Variants in ADCY8 observed in about 807,000 individuals in gnomAD.
ADCY8 encodes the protein adenylate cyclase type 8.
Under a neutral mutation model 119.7 loss-of-function variants are expected in ADCY8, and 51 were observed. The ratio of observed to expected loss-of-function variants is 0.43; its 90% CI spans 0.34 to 0.54. The LOEUF (loss-of-function observed/expected upper bound fraction) is 0.54. Ranked by LOEUF, ADCY8 falls within the 20% of genes least tolerant of loss-of-function variation. The pLI, the probability that ADCY8 is intolerant of heterozygous loss-of-function variation, is 0.03. For synonymous variants in ADCY8, 665 were observed against 651.0 expected (o/e 1.02, Z -0.33); for missense variants, 1,383 against 1,598.8 (o/e 0.87, Z 2.30).
At chr8:130,827,979 G>A (rs1218503128) in intron 12 of ADCY8, among the ~76,000 whole-genome samples, 1 of 152,196 alleles carries the variant, frequency 6.6e-6, no homozygotes, top group East Asian at 1.9e-4. Flanking sequence ...CATGTTGGCT[G>A]TGTTTGAACC....
chr8:130,989,769 T>C (rs1822517836), intron 2 of ADCY8, among the ~76,000 whole-genome samples: 1 of 152,254 alleles, frequency 6.6e-6, no homozygotes, highest in South Asian at 2.1e-4. Context: ...AGGCCAAAGC[T>C]ACTTTTAAGT....
intron 1 of ADCY8, among the ~76,000 whole-genome samples, chr8:131,033,545 G>C (rs1169922849): frequency 1.3e-5 from 2 of 152,064 alleles, no homozygotes; most frequent in African/African-American, 4.8e-5. Context: ...TAACAGTCAG[G>C]TGATATTACC....
chr8:131,025,502 G>A (rs1028486088), intron 1 of ADCY8, among the ~76,000 whole-genome samples: 7 of 152,210 alleles, frequency 4.6e-5, no homozygotes, highest in Admixed American at 2.0e-4. Flanking sequence ...CTTCTGATAT[G>A]AGATTCCCGC....
chr8:130,987,991 G>C (rs981251273), intron 2 of ADCY8, among the ~76,000 whole-genome samples: 1 of 152,178 alleles, frequency 6.6e-6, no homozygotes, highest in Non-Finnish European at 1.5e-5. Flanking sequence ...TGACTTGCAA[G>C]GGCATCTCAC....
chr8:130,892,870 G>T (rs141727878), intron 7 of ADCY8: 22 of 152,180 alleles, frequency 1.4e-4, no homozygotes, highest in African/African-American at 4.8e-4. Context: ...CCTTAGAGCT[G>T]GCCTAAGGAA....
intron 12 of ADCY8, among the ~76,000 whole-genome samples, chr8:130,826,817 G>A (rs1203174273): frequency 6.6e-6 from 1 of 151,998 alleles, no homozygotes; most frequent in African/African-American, 2.4e-5. Context: ...AAAAGGCAGA[G>A]GTGGTATTTG....
intron 1 of ADCY8, among the ~76,000 whole-genome samples, chr8:131,032,686 G>T (rs1220666048): frequency 2.0e-5 from 3 of 152,110 alleles, no homozygotes; most frequent in African/African-American, 7.2e-5. Context: ...ATCTTGCAGG[G>T]AGAAAATCTG....
chr8:131,019,827 C>CTCTCTCTCTG (rs1823601074), intron 1 of ADCY8, among the ~76,000 whole-genome samples: 1 of 121,522 alleles, frequency 8.2e-6, no homozygotes. Context: ...CTCTCTCTCT[C>CTCTCTCTCTG]TCTCTCTCTC....
At chr8:130,947,207 C>T (rs979929414) in intron 3 of ADCY8, among the ~76,000 whole-genome samples, 3 of 152,198 alleles carry the variant, frequency 2.0e-5, no homozygotes, top group Non-Finnish European at 2.9e-5. Flanking sequence ...GAAGCTTTTG[C>T]GGAGTTCAAT....
chr8:131,032,459 G>A (rs2130810984), intron 1 of ADCY8, among the ~76,000 whole-genome samples: 1 of 152,230 alleles, frequency 6.6e-6, no homozygotes, highest in African/African-American at 2.4e-5. Flanking sequence ...AGTGCATAGA[G>A]ATCAAAGAAA....
rs1347668266 is a variant in ADCY8 at position 130,783,795 on chromosome 8, T to A, written c.3164A>T (p.Asp1055Val). Residue 1055 changes from aspartate (D) to valine (V), a missense_variant, in exon 17 of 18, where the codon GAC becomes GTC. Asp to Val is a radical substitution (Grantham distance 152). This residue lies in a region of ADCY8 where 928 missense variants were observed against 1,163.5 expected (regional missense o/e 0.80). Coordinates refer to ENST00000286355, the MANE Select transcript of ADCY8 (RefSeq NM_001115.3). ...GLSPEKQQCE[D>V]KWGHLCALAD... ...CAGAGCACACAAATGTCCCCACTTG[T>A]CTTCACATTGCTGAAGCAAACATGA... 2.5e-6 allele frequency: 4 copies of A among 1,612,718 alleles called. No homozygotes were observed. The Admixed American group carries it at 6.7e-5, about 27-fold the overall frequency.
intron 8 of ADCY8, among the ~76,000 whole-genome samples, chr8:130,883,599 A>C (rs888639072): frequency 6.6e-6 from 1 of 152,206 alleles, no homozygotes; most frequent in African/African-American, 2.4e-5. Flanking sequence ...ACTTACAAAA[A>C]AATTGCTCAC....
At position 130,990,517 on chromosome 8, in the gene ADCY8, A is replaced by G. The variant is rs1321828597; in HGVS notation, c.986T>C (p.Met329Thr). 6.2e-7 allele frequency: 1 copy of G among 1,614,192 alleles called. No homozygotes were observed. The highest frequency in any genetic ancestry group is 2.2e-5 in the East Asian group (1 of 44,890). The change falls in exon 2 of 18, where the codon ATG becomes ACG. Residue 329 changes from methionine to threonine, a missense_variant. Coordinates refer to ENST00000286355, the MANE Select transcript of ADCY8 (RefSeq NM_001115.3). ...NQVVAQAVLFMCMNTAGIFIS... is the reference protein window; with the variant it reads ...NQVVAQAVLFTCMNTAGIFIS... ...GAAGATTCCAGCTGTGTTCATACAC[A>G]TGAATAGCACTGCCTGGGCCACAAC...
chr8:131,008,655 G>A (rs893427109), intron 1 of ADCY8, among the ~76,000 whole-genome samples: 2 of 152,176 alleles, frequency 1.3e-5, no homozygotes, highest in African/African-American at 4.8e-5. Context: ...TGCTATAAGA[G>A]TACTCAAAAA....
At chr8:130,973,751 T>C (rs1213293185) in intron 2 of ADCY8, among the ~76,000 whole-genome samples, 1 of 152,212 alleles carries the variant, frequency 6.6e-6, no homozygotes, top group East Asian at 1.9e-4. Flanking sequence ...GGCTTCTGAG[T>C]GCTCCTGTTG....
At chr8:130,874,354 T>TAAATAAATA (rs1300412408) in intron 8 of ADCY8, among the ~76,000 whole-genome samples, 1 of 135,962 alleles carries the variant, frequency 7.4e-6, no homozygotes, top group Admixed American at 7.5e-5. Flanking sequence ...AATAAATAAA[T>TAAATAAATA]AAAATACACC....
At chr8:130,892,924 C>G (rs1364034231) in intron 7 of ADCY8, 1 of 152,110 alleles carries the variant, frequency 6.6e-6, no homozygotes, top group Non-Finnish European at 1.5e-5. Context: ...GACAATGATT[C>G]CCTCCTGCCT....
intron 17 of ADCY8, 136 bp from the exon 18 acceptor site, chr8:130,781,013 G>T: frequency 8.5e-7 from 1 of 1,172,686 alleles, no homozygotes; most frequent in Non-Finnish European, 1.2e-6. Flanking sequence ...CCTGCCCCCA[G>T]TCACTTATTA....
chr8:130,984,963 A>G (rs1158560829), intron 2 of ADCY8, among the ~76,000 whole-genome samples: 1 of 152,196 alleles, frequency 6.6e-6, no homozygotes, highest in African/African-American at 2.4e-5. Context: ...ATACAGCACC[A>G]AAAGAGAACC....
Sources: allele counts gnomAD v4.1 joint callset (sites outside exome capture counted in the v4.1 genomes callset), GRCh38; gene constraint gnomAD v4.1.1; regional missense constraint gnomAD v4.1.1; transcripts MANE v1.5; gene names NCBI Gene and HGNC (gene_info 2026-07-23, HGNC 2026-07-21).